TACC2: variants seen among roughly 807,000 people sequenced by gnomAD.
TACC2 encodes the protein transforming acidic coiled-coil containing protein 2.
In TACC2, 137 loss-of-function variants were observed where a neutral mutation model predicts 227.3. That is an observed-to-expected ratio of 0.60 (90% CI 0.52 to 0.69). The LOEUF (loss-of-function observed/expected upper bound fraction) is 0.69. Ranked by LOEUF, TACC2 falls within the 30% of genes least tolerant of loss-of-function variation. The probability of loss-of-function intolerance (pLI) is 0.00; values close to 1 mark genes in which losing one functional copy is unlikely to be tolerated. For missense variants in TACC2, 3,470 were observed against 3,694.4 expected, an observed-to-expected ratio of 0.94 and a Z score of 1.57; for synonymous variants, 1,523 against 1,487.5, an observed-to-expected ratio of 1.02 and a Z score of -0.55.
chr10:122,164,764 A>G (rs1253294270), intron 7 of TACC2, among the ~76,000 whole-genome samples: 2 of 152,206 alleles, frequency 1.3e-5, no homozygotes, highest in Non-Finnish European at 2.9e-5. Context: ...TCAGGCTTGT[A>G]TCCAAAGTGG....
At chr10:122,136,871 T>TA (rs1206472444) in intron 6 of TACC2, among the ~76,000 whole-genome samples, 2 of 151,744 alleles carry the variant, frequency 1.3e-5, no homozygotes, top group Non-Finnish European at 2.9e-5. Flanking sequence ...TTTTAATTAA[T>TA]AAAAAAAATT....
intron 2 of TACC2, among the ~76,000 whole-genome samples, chr10:122,027,432 G>T (rs1374013403): frequency 6.6e-6 from 1 of 151,970 alleles, no homozygotes; most frequent in Non-Finnish European, 1.5e-5. Context: ...TCATTTTTGT[G>T]TCTGTGTATT....
Position 122,131,651 on chromosome 10 carries a change from A to G in TACC2, c.5574-958A>G, listed in dbSNP as rs116666337. Among the ~76,000 whole-genome samples, 967 of 152,308 alleles carry G rather than the reference A, an allele frequency of 6.3e-3. 10 individuals carry two copies. The highest frequency in any genetic ancestry group is 0.02 in the African/African-American group (833 of 41,574). ...GACCACATAGTCCTTTGTCTTGGGGACTGTCCTGTGTGTGGTAGGATGTTG... is the reference window on the plus strand; with the variant it reads ...GACCACATAGTCCTTTGTCTTGGGGGCTGTCCTGTGTGTGGTAGGATGTTG... On this transcript the variant is annotated intron_variant, in intron 5 of 22. Transcript: ENST00000369005.
At chr10:122,117,007 T>C (rs2084820706) in intron 5 of TACC2, among the ~76,000 whole-genome samples, 1 of 152,022 alleles carries the variant, frequency 6.6e-6, no homozygotes, top group Non-Finnish European at 1.5e-5. Context: ...CCCTTATGAC[T>C]GCTATTATCA....
intron 11 of TACC2, among the ~76,000 whole-genome samples, chr10:122,221,501 G>A (rs2095522739): frequency 1.3e-5 from 2 of 152,126 alleles, no homozygotes; most frequent in Admixed American, 1.3e-4. Flanking sequence ...CTGACAGAGG[G>A]GAAAGTGCCC....
At position 122,087,530 on chromosome 10, in the gene TACC2, A is replaced by G; in HGVS notation, c.5030A>G (p.Asn1677Ser). The G allele has an allele frequency of 1.9e-6, 3 of 1,613,884 alleles. No homozygotes were observed. The highest frequency in any genetic ancestry group is 2.5e-6 in the Non-Finnish European group (3 of 1,180,038). The change falls in exon 4 of 23, where the codon AAC (asparagine) becomes AGC (serine). Residue 1677 changes from asparagine (N) to serine (S), a missense_variant. By Grantham distance (46) the Asn-to-Ser change is conservative. Around this residue, in one of 10 missense-constraint regions of TACC2, gnomAD observed 1,924 missense variants for 1,978.3 expected, o/e 0.97. Transcript: ENST00000369005. Reference protein sequence around the residue: ...GILEMRNALGNQSTPAPPTGE... With the variant: ...GILEMRNALGSQSTPAPPTGE... ...TTGGAAATGCGAAATGCCCTGGGCAACCAGAGCACCCCTGCACCACCAACT... is the reference window on the plus strand; with the variant it reads ...TTGGAAATGCGAAATGCCCTGGGCAGCCAGAGCACCCCTGCACCACCAACT...
At chr10:122,250,382 G>A (rs980001671) in intron 22 of TACC2, among the ~76,000 whole-genome samples, 1 of 152,234 alleles carries the variant, frequency 6.6e-6, no homozygotes, top group Non-Finnish European at 1.5e-5. Context: ...CCCCTGCGTA[G>A]TCATCCACGA....
In TACC2 at chr10:122,059,062, TGTTG is replaced by T. The variant is rs1408656883; in HGVS notation, c.146+8513_146+8516del. Among the ~76,000 whole-genome samples the T allele has an allele frequency of 5.0e-3, 435 of 86,904 alleles. 27 individuals carry two copies. The highest frequency in any genetic ancestry group is 0.015 in the African/African-American group (361 of 24,772). The allele number at this position is 86,904 out of a possible 152,430, so 57.0% of individuals were successfully genotyped here. ...CGCCTGCCACTACGCCTGGCTAATT[TGTTG>T]TTGTTGTTGTTGTTGTTGTTGTTGT... On this transcript the variant is annotated intron_variant, in intron 3 of 22. Transcript: ENST00000369005.
chr10:122,248,035 A>G (rs768663586), intron 19 of TACC2: 4 of 152,960 alleles, frequency 2.6e-5, no homozygotes, highest in Non-Finnish European at 5.8e-5. Flanking sequence ...AATATTGTAC[A>G]TCACTGAGAA....
intron 1 of TACC2, among the ~76,000 whole-genome samples, chr10:122,013,473 A>C (rs1035992505): frequency 6.6e-6 from 1 of 152,220 alleles, no homozygotes; most frequent in Non-Finnish European, 1.5e-5. Context: ...GTAGGGAGTT[A>C]GAGCACTGAA....
At chr10:122,248,175 G>A (rs1261663565) in intron 19 of TACC2, 1 of 155,982 alleles carries the variant, frequency 6.4e-6, no homozygotes, top group Non-Finnish European at 1.4e-5. Context: ...TTCCAGATGT[G>A]TTAAGGATCT....
chr10:122,103,096 AAAAG>A lies in TACC2; in HGVS notation c.5573+14516_5573+14519del, dbSNP rs375177549. Among the ~76,000 whole-genome samples, 51 of 152,328 alleles carry A rather than the reference AAAAG, an allele frequency of 3.3e-4. No individual in the cohort carries two copies. In the East Asian group the frequency reaches 8.5e-3, roughly 25 times the overall value. On this transcript the variant is annotated intron_variant, in intron 5 of 22. Transcript: ENST00000369005. ...CTATTCCTTCTAGGAAAAAGAAAAA[AAAAG>A]AAAGAAAGAAGGAAAGTTCCTCAGA...
At chr10:122,104,360 T>G (rs1243032485) in intron 5 of TACC2, among the ~76,000 whole-genome samples, 3 of 152,200 alleles carry the variant, frequency 2.0e-5, no homozygotes, top group African/African-American at 7.2e-5. Context: ...TGGCTTCATT[T>G]TTATTTTATG....
At chr10:122,121,790 C>T (rs1230510543) in intron 5 of TACC2, among the ~76,000 whole-genome samples, 3 of 152,128 alleles carry the variant, frequency 2.0e-5, no homozygotes, top group African/African-American at 7.2e-5. Flanking sequence ...AGGTAGAGGT[C>T]CCTGCCCTGT....
Position 122,086,287 on chromosome 10 carries a change from G to A in TACC2, c.3787G>A (p.Ala1263Thr). The A allele has an allele frequency of 6.2e-7, 1 of 1,614,002 alleles. No individual in the cohort carries two copies. Among genetic ancestry groups the A allele is most frequent in the Admixed American group, 1.7e-5 (1 of 60,024 alleles). Residue 1263 changes from alanine (A) to threonine (T), a missense_variant, in exon 4 of 23, where the codon GCT becomes ACT. Around this residue, in one of 10 missense-constraint regions of TACC2, gnomAD observed 1,924 missense variants for 1,978.3 expected, o/e 0.97. Coordinates refer to ENST00000369005, the MANE Select transcript of TACC2 (RefSeq NM_206862.4). ...AGCTGTTTCCTCTGCAGACCCCAGAGCTCCTGGCGAAAGCCCCTGTCCTGT... is the reference window on the plus strand; with the variant it reads ...AGCTGTTTCCTCTGCAGACCCCAGAACTCCTGGCGAAAGCCCCTGTCCTGT... ...VKAVSSADPR[A>T]PGESPCPVGE...
intron 5 of TACC2, among the ~76,000 whole-genome samples, chr10:122,129,899 C>T (rs571221585): frequency 2.0e-5 from 3 of 152,304 alleles, no homozygotes; most frequent in African/African-American, 7.2e-5. Context: ...CTAGTCCAAT[C>T]GTATTGAGAG....
chr10:122,088,310 T>C (rs2080311787), intron 4 of TACC2, among the ~76,000 whole-genome samples, 168 bp from the exon 5 acceptor site: 1 of 152,094 alleles, frequency 6.6e-6, no homozygotes, highest in African/African-American at 2.4e-5. Flanking sequence ...ATACATCTGC[T>C]TTTGAATCTG....
At chr10:122,014,142 A>G (rs1956267858) in intron 1 of TACC2, among the ~76,000 whole-genome samples, 1 of 152,224 alleles carries the variant, frequency 6.6e-6, no homozygotes, top group Non-Finnish European at 1.5e-5. Context: ...CTGTACTAAC[A>G]GAGAAGTATA....
chr10:122,054,268 T>C (rs1462945610), intron 3 of TACC2, among the ~76,000 whole-genome samples: 2 of 152,230 alleles, frequency 1.3e-5, no homozygotes, highest in Non-Finnish European at 2.9e-5. Context: ...ATCCAGAGTC[T>C]GGGACATGCC....
Sources: gnomAD v4.1 joint callset for allele counts (sites outside exome capture counted in the v4.1 genomes callset) on GRCh38, gnomAD v4.1.1 for gene constraint, gnomAD v4.1.1 regional missense constraint, MANE v1.5 for transcripts, NCBI Gene and HGNC (gene_info 2026-07-23, HGNC 2026-07-21) for gene names.